Variants in TAB1 observed in about 807,000 individuals in gnomAD.
TAB1 encodes TGF-beta-activated kinase 1 and MAP3K7-binding protein 1.
In TAB1, 30 loss-of-function variants were observed where a neutral mutation model predicts 54.5. The observed-to-expected ratio is 0.55, with a 90% CI of 0.41 to 0.75. The LOEUF (loss-of-function observed/expected upper bound fraction) is 0.75, where lower values mean the gene tolerates loss of function less well. TAB1 is among the 30% of genes least tolerant of loss of function. TAB1 has a pLI of 0.00. For missense variants in TAB1, 609 were observed against 683.2 expected (o/e 0.89, Z 1.21); for synonymous variants, 289 against 286.9 (o/e 1.01, Z -0.07).
intron 1 of TAB1, among the ~76,000 whole-genome samples, chr22:39,403,662 G>A (rs867556586): frequency 6.5e-5 from 9 of 139,480 alleles, no homozygotes; most frequent in South Asian, 2.3e-4. Context: ...TTTTTGAGAC[G>A]GAGTCTCGCT....
At chr22:39,405,934 G>A (rs1244774632) in intron 1 of TAB1, among the ~76,000 whole-genome samples, 3 of 152,180 alleles carry the variant, frequency 2.0e-5, no homozygotes, top group African/African-American at 4.8e-5. Context: ...CCCGAATTAC[G>A]TGAGAAACTG....
At chr22:39,416,284 C>CA (rs895725709) in intron 3 of TAB1, among the ~76,000 whole-genome samples, 2 of 152,200 alleles carry the variant, frequency 1.3e-5, no homozygotes, top group Non-Finnish European at 2.9e-5. Context: ...GTGTCAGTGT[C>CA]ACCAGTGTCC....
chr22:39,432,119 A>G (rs1927608777), downstream of TAB1, among the ~76,000 whole-genome samples: 1 of 152,204 alleles, frequency 6.6e-6, no homozygotes, highest in Non-Finnish European at 1.5e-5. Flanking sequence ...GTTCATGCAC[A>G]TCTGAAGGGG....
At chr22:39,412,205 G>A (rs1374282566) in intron 1 of TAB1, among the ~76,000 whole-genome samples, 1 of 151,984 alleles carries the variant, frequency 6.6e-6, no homozygotes, top group Non-Finnish European at 1.5e-5. Flanking sequence ...ACGCCCGGCT[G>A]ATTTTTGTAT....
intron 5 of TAB1, among the ~76,000 whole-genome samples, chr22:39,418,287 G>A (rs1183307912): frequency 6.6e-6 from 1 of 152,160 alleles, no homozygotes; most frequent in Admixed American, 6.5e-5. Context: ...TTCTGATGAT[G>A]CTGCCTTTTT....
At position 39,430,647 on chromosome 22, in the gene TAB1, TCGGGACAGTAG is replaced by T; in HGVS notation, c.*427_*437del. On this transcript the variant is annotated 3_prime_UTR_variant, in exon 11 of 11. Transcript: ENST00000216160. ...TCCTCCCACCATCACCTCCCTCACC[TCGGGACAGTAG>T]CCCTCCACTTCTCCAGCCTCTCAGC... is the stretch of plus-strand genomic sequence containing the variant. 1 of 1,025,578 alleles carries T rather than the reference TCGGGACAGTAG, an allele frequency of 9.8e-7. No homozygotes were observed. Among genetic ancestry groups the T allele is most frequent in the South Asian group, 3.0e-5 (1 of 33,376 alleles). 63.5% of individuals were successfully genotyped at this position (1,025,578 alleles called of 1,614,324 possible). A position where few individuals can be genotyped will look rare whatever the true frequency, so the allele number is the denominator to read the frequency against.
downstream of TAB1, among the ~76,000 whole-genome samples, chr22:39,436,108 A>G (rs5750826): frequency 0.5 from 75,255 of 152,004 alleles, 19,792 homozygotes; most frequent in East Asian, 0.79. Flanking sequence ...CCTGGCCAAC[A>G]TGGTAAAATC....
chr22:39,420,723 G>T (rs1437587825), intron 7 of TAB1, among the ~76,000 whole-genome samples: 2 of 151,952 alleles, frequency 1.3e-5, no homozygotes, highest in Non-Finnish European at 1.5e-5. Flanking sequence ...CTAGTTTCTT[G>T]TGTATCCTGT....
At position 39,425,412 on chromosome 22, in the gene TAB1, A is replaced by G. The variant is rs146698472; in HGVS notation, c.922-1291A>G. 8.4e-3 allele frequency among the ~76,000 whole-genome samples: 1,271 copies of G among 151,938 alleles called. 16 individuals are homozygous for G. Among genetic ancestry groups the G allele is most frequent in the South Asian group, 0.03 (145 of 4,812 alleles). On this transcript the variant is annotated intron_variant, in intron 8 of 10. Transcript: ENST00000216160. The stretch of plus-strand genomic sequence containing the variant: ...AAAAAAAAATTACATGGGATTCAAC[A>G]TTTTCTTATATAATAATGAAAATAG...
chr22:39,408,558 G>A (rs1601685081), intron 1 of TAB1, among the ~76,000 whole-genome samples: 1 of 152,322 alleles, frequency 6.6e-6, no homozygotes, highest in East Asian at 1.9e-4. Flanking sequence ...GAGTGCAGTG[G>A]CGTGTGCGAT....
At position 39,430,166 on chromosome 22, in the gene TAB1, T is replaced by G. The variant is rs1243050184; in HGVS notation, c.1459T>G (p.Phe487Val). The G allele has an allele frequency of 2.4e-5, 39 of 1,613,700 alleles. No individual in the cohort carries two copies. Among genetic ancestry groups the G allele is most frequent in the Non-Finnish European group, 3.3e-5 (39 of 1,180,036 alleles). ...TGAGCCCTATGTGGACTTTGCTGAG[T>G]TTTACCGCCTCTGGAGCGTGGACCA... The part of the protein sequence containing the change: ...RVEPYVDFAE[F>V]YRLWSVDHGE... Residue 487 changes from phenylalanine (F) to valine (V), a missense_variant, in exon 11 of 11, where the codon TTT becomes GTT. Transcript: ENST00000216160.
chr22:39,400,795 G>A (rs1429288352), intron 1 of TAB1, among the ~76,000 whole-genome samples: 1 of 152,166 alleles, frequency 6.6e-6, no homozygotes, highest in Non-Finnish European at 1.5e-5. Context: ...CAGAACTATG[G>A]GAGGCTGAGG....
At chr22:39,432,945 A>C (rs1927642897), downstream of TAB1, 7 of 985,404 alleles carry the variant, frequency 7.1e-6, no homozygotes, top group South Asian at 2.8e-4. Context: ...AGTCAAGGTA[A>C]GGAAAGTGAA....
At chr22:39,413,054 A>G (rs1045299248) in intron 1 of TAB1, among the ~76,000 whole-genome samples, 3 of 152,070 alleles carry the variant, frequency 2.0e-5, no homozygotes, top group East Asian at 1.9e-4. Context: ...AGCTGGGACT[A>G]CAGGCGCCCG....
rs28481724 is a variant in TAB1, at chr22:39,416,796, C to T, written c.330C>T (p.Phe110=). The change falls in exon 4 of 11, where the codon TTC becomes TTT. Residue 110 remains phenylalanine (F), a synonymous_variant. Coordinates refer to ENST00000216160, the MANE Select transcript of TAB1 (RefSeq NM_006116.3). The part of the protein sequence containing the change: ...ADVRRVLLQA[F]DVVERSFLES... ...CCTGTCCTGTGTCCCCCTAGGCCTT[C>T]GATGTGGTGGAGAGGAGCTTCCTGG... The T allele has an allele frequency of 3.7e-6, 6 of 1,614,098 alleles. No individual in the cohort carries two copies. Among genetic ancestry groups the T allele is most frequent in the East Asian group, 4.5e-5 (2 of 44,904 alleles).
chr22:39,412,653 C>T (rs192078708), intron 1 of TAB1, among the ~76,000 whole-genome samples: 1 of 152,250 alleles, frequency 6.6e-6, no homozygotes, highest in African/African-American at 2.4e-5. Context: ...GAAGTCACTC[C>T]TGTCAGTATA....
chr22:39,417,850 G>T lies in TAB1; in HGVS notation c.550+1G>T. ...AACAAGCTCTACGTCGCCAATGTCG[G>T]TGAGCCCCCTCCTGTCCCAGGGCAG... On this transcript the variant is annotated splice_donor_variant, in intron 5 of 10. Coordinates refer to ENST00000216160, the MANE Select transcript of TAB1 (RefSeq NM_006116.3). LOFTEE classifies it high-confidence loss of function. 2.5e-6 allele frequency: 4 copies of T among 1,603,462 alleles called. No homozygotes were observed. The highest frequency in any genetic ancestry group is 3.4e-6 in the Non-Finnish European group (4 of 1,174,698).
At chr22:39,418,591 C>T in intron 5 of TAB1, 141 bp from the exon 6 acceptor site, 1 of 639,648 alleles carries the variant, frequency 1.6e-6, no homozygotes, top group Middle Eastern at 2.5e-4. Flanking sequence ...ACTGGTGACT[C>T]ACCCCGTTGG....
chr22:39,428,810 G>A (rs1927462063), intron 10 of TAB1, among the ~76,000 whole-genome samples: 1 of 152,270 alleles, frequency 6.6e-6, no homozygotes, highest in African/African-American at 2.4e-5. Flanking sequence ...GATGGAGTGC[G>A]CAGGATGTGG....
Sources: allele counts gnomAD v4.1 joint callset (sites outside exome capture counted in the v4.1 genomes callset), GRCh38; gene constraint gnomAD v4.1.1; transcripts MANE v1.5; gene names NCBI Gene and HGNC (gene_info 2026-07-23, HGNC 2026-07-21).